The following DOP1B variants were observed in gnomAD, a reference collection of about 807,000 sequenced individuals.
The protein encoded by DOP1B is DOP1 leucine zipper like protein B.
In DOP1B, 174 loss-of-function variants were observed where a neutral mutation model predicts 233.5. The ratio of observed to expected loss-of-function variants is 0.75; its 90% CI spans 0.66 to 0.85. DOP1B has a LOEUF of 0.85. DOP1B is among the 40% of genes least tolerant of loss of function. The probability of loss-of-function intolerance (pLI) is 0.00; values close to 1 mark genes in which losing one functional copy is unlikely to be tolerated. For synonymous variants in DOP1B, 1,190 were observed against 1,185.6 expected (o/e 1.00, Z -0.08); for missense variants, 2,652 against 2,846.6 (o/e 0.93, Z 1.56).
In DOP1B at chr21:36,273,702, G is replaced by A. The variant is rs137892687; in HGVS notation, c.5633-3319G>A. ...CCAGCGACCTGAAGACCAGGACTCTGGAGCTTCATGAAAGTGGTGGGAAGA... is the reference window on the plus strand; with the variant it reads ...CCAGCGACCTGAAGACCAGGACTCTAGAGCTTCATGAAAGTGGTGGGAAGA... On this transcript the variant is annotated intron_variant, in intron 27 of 36. Transcript: ENST00000691173. 2.5e-3 allele frequency among the ~76,000 whole-genome samples: 373 copies of A among 152,222 alleles called. 2 individuals are homozygous for A. The highest frequency in any genetic ancestry group is 0.01 in the Middle Eastern group (3 of 294).
At chr21:36,293,185 G>T (rs1601490366) in intron 36 of DOP1B, 135 bp from the exon 37 acceptor site, 8 of 928,640 alleles carry the variant, frequency 8.6e-6, no homozygotes, top group Middle Eastern at 3.4e-4. Flanking sequence ...CAGCCTGGGC[G>T]ACAGAGCAAG....
At position 36,244,074 on chromosome 21, in the gene DOP1B, T is replaced by C. The variant is rs535553525; in HGVS notation, c.3068-974T>C. Among the ~76,000 whole-genome samples the C allele has an allele frequency of 1.8e-3, 258 of 143,598 alleles. 2 individuals carry two copies. The highest frequency in any genetic ancestry group is 1.6e-3 in the Non-Finnish European group (106 of 66,604). The allele number at this position is 143,598 out of a possible 152,430, so 94.2% of individuals were successfully genotyped here. A position where few individuals can be genotyped will look rare whatever the true frequency, so the allele number is the denominator to read the frequency against. ...CAGAGTCTCACTCTGTTGCCTAGTC[T>C]GGAGTGTAGTGGCATGATTTCAGCT... On this transcript the variant is annotated intron_variant, in intron 18 of 36. Coordinates refer to ENST00000691173, the MANE Select transcript of DOP1B (RefSeq NM_001320714.2).
At chr21:36,171,780 G>A (rs141144102) in intron 2 of DOP1B, among the ~76,000 whole-genome samples, 7 of 152,300 alleles carry the variant, frequency 4.6e-5, no homozygotes, top group East Asian at 1.9e-4. Context: ...GTGGCACTTC[G>A]TTATAGCAGC....
intron 26 of DOP1B, among the ~76,000 whole-genome samples, chr21:36,265,856 G>A (rs762981602): frequency 8.6e-5 from 13 of 151,796 alleles, no homozygotes; most frequent in Non-Finnish European, 1.5e-4. Context: ...CTGTGACCTC[G>A]TAACCAAAAT....
intron 2 of DOP1B, among the ~76,000 whole-genome samples, chr21:36,190,274 G>A (rs546727457): frequency 1.0e-3 from 156 of 151,884 alleles, no homozygotes; most frequent in African/African-American, 3.5e-3. Flanking sequence ...GCAGTGAGCC[G>A]AGATTGCACC....
intron 24 of DOP1B, among the ~76,000 whole-genome samples, chr21:36,262,299 A>G (rs571988757): frequency 1.9e-4 from 29 of 152,294 alleles, no homozygotes; most frequent in African/African-American, 6.3e-4. Context: ...GCTGCAGGTT[A>G]GATTTGGTCA....
rs2066461257 is a variant in DOP1B at position 36,208,924 on chromosome 21, C to T, written c.681+20C>T. On this transcript the variant is annotated intron_variant, in intron 5 of 36. Transcript: ENST00000691173. ...CTCACGGTGGGTGCTGTGTTCCTCACAGGGCATGGGGAGGAGGCGACATGT... is the reference window on the plus strand; with the variant it reads ...CTCACGGTGGGTGCTGTGTTCCTCATAGGGCATGGGGAGGAGGCGACATGT... 6.7e-7 allele frequency: 1 copy of T among 1,493,566 alleles called. No homozygotes were observed. The highest frequency in any genetic ancestry group is 8.9e-7 in the Non-Finnish European group (1 of 1,121,308). 92.5% of individuals were successfully genotyped at this position (1,493,566 alleles called of 1,614,324 possible). A position where few individuals can be genotyped will look rare whatever the true frequency, so the allele number is the denominator to read the frequency against.
chr21:36,274,156 A>G (rs557662297), intron 27 of DOP1B, among the ~76,000 whole-genome samples: 3 of 136,342 alleles, frequency 2.2e-5, no homozygotes, highest in African/African-American at 5.4e-5. Flanking sequence ...GAGCAGCCAC[A>G]TGTTAGTCAA....
At position 36,199,086 on chromosome 21, in the gene DOP1B, T is replaced by C; in HGVS notation, c.155T>C (p.Leu52Pro). The change falls in exon 3 of 37, where the codon CTG becomes CCG. Residue 52 changes from leucine (L) to proline (P), a missense_variant. Around this residue, in one of 3 missense-constraint regions of DOP1B, gnomAD observed 2,617 missense variants for 2,794.3 expected, o/e 0.94. Coordinates refer to ENST00000691173, the MANE Select transcript of DOP1B (RefSeq NM_001320714.2). ...GKLNKALQSN[L>P]RYSLLPRRLL... ...GTTTGACAGGCTCTTCAGAGTAACC[T>C]GAGGTACTCCTTGTTGCCAAGACGG... The C allele has an allele frequency of 6.2e-7, 1 of 1,613,224 alleles. No homozygotes were observed. The highest frequency in any genetic ancestry group is 8.5e-7 in the Non-Finnish European group (1 of 1,179,764).
At position 36,245,641 on chromosome 21, in the gene DOP1B, G is replaced by A. The variant is rs574422765; in HGVS notation, c.3661G>A (p.Val1221Ile). ...GCAGCAGCGGGAAAGGCAGGAGGCC[G>A]TCGAGGCCTTGTTCAAGCACATCCT... is the stretch of plus-strand genomic sequence containing the variant. ...LKQQRERQEA[V>I]EALFKHILLY... is the part of the protein sequence containing the mutation. The change falls in exon 19 of 37, where the codon GTC becomes ATC. Residue 1221 changes from valine to isoleucine, a missense_variant. By Grantham distance (29) the Val-to-Ile change is conservative (BLOSUM62 3). Transcript: ENST00000691173. This position sits in a 1 kb window ranked among gnomAD's most constrained non-coding sequence, Gnocchi z 5.5. The A allele has an allele frequency of 2.5e-5, 41 of 1,613,420 alleles. No individual in the cohort carries two copies. The highest frequency in any genetic ancestry group is 4.5e-5 in the East Asian group (2 of 44,858).
chr21:36,230,416 A>G (rs2066746304), intron 13 of DOP1B, 34 bp from the exon 14 acceptor site: 5 of 1,573,366 alleles, frequency 3.2e-6, no homozygotes, highest in Non-Finnish European at 4.3e-6. Flanking sequence ...TGGTGTTAAG[A>G]GATGCACAAT....
chr21:36,208,863 C>T lies in DOP1B; in HGVS notation c.640C>T (p.Arg214Trp), dbSNP rs201917816. ...CCACATCAACAGGGATGCCCCCGGC[C>T]GGGAGCAGAAGTACATGCTGGGGAC... The part of the protein sequence containing the change: ...VGHINRDAPG[R>W]EQKYMLGTNH... Residue 214 changes from arginine to tryptophan, a missense_variant, in exon 5 of 37, where the codon CGG (arginine) becomes TGG (tryptophan). Around this residue, in one of 3 missense-constraint regions of DOP1B, gnomAD observed 2,617 missense variants for 2,794.3 expected, o/e 0.94. Transcript: ENST00000691173. 1.1e-5 allele frequency: 17 copies of T among 1,567,330 alleles called. No homozygotes were observed. Among genetic ancestry groups the T allele is most frequent in the Middle Eastern group, 1.9e-4 (1 of 5,320 alleles).
At chr21:36,157,138 T>TGCGGGGGCGGAGAGC (rs1295033727) in intron 1 of DOP1B, among the ~76,000 whole-genome samples, 195 bp downstream of exon 1, 4 of 151,864 alleles carry the variant, frequency 2.6e-5, no homozygotes, top group Admixed American at 1.3e-4. Flanking sequence ...TCTGCTGCAG[T>TGCGGGGGCGGAGAGC]GCGGGGGCGG....
Position 36,214,433 on chromosome 21 carries a change from A to T in DOP1B, c.1015-9A>T. The T allele has an allele frequency of 6.2e-7, 1 of 1,603,176 alleles. No individual in the cohort carries two copies. Among genetic ancestry groups the T allele is most frequent in the Non-Finnish European group, 8.5e-7 (1 of 1,176,968 alleles). ...GATATTCTAATATGTGGCTTTTTTT[A>T]AATAATAGGGTTTGGCTGAGATATT... On this transcript the variant is annotated splice_polypyrimidine_tract_variant and intron_variant, in intron 8 of 36. Coordinates refer to ENST00000691173, the MANE Select transcript of DOP1B (RefSeq NM_001320714.2).
intron 2 of DOP1B, among the ~76,000 whole-genome samples, chr21:36,173,934 CT>C (rs1443533016): frequency 6.6e-6 from 1 of 150,578 alleles, no homozygotes; most frequent in Non-Finnish European, 1.5e-5. Flanking sequence ...TTTTTCGCTG[CT>C]TTTATCTGAT....
chr21:36,220,065 C>T (rs2066608153), intron 10 of DOP1B, among the ~76,000 whole-genome samples: 1 of 152,082 alleles, frequency 6.6e-6, no homozygotes, highest in Non-Finnish European at 1.5e-5. Flanking sequence ...TACACACAAA[C>T]CCTGTTTTGT....
At chr21:36,263,499 T>C (rs12626686) in intron 24 of DOP1B, 47 bp from the exon 25 acceptor site, 172,554 of 1,513,784 alleles carry the variant, frequency 0.11, 13,324 homozygotes, top group African/African-American at 0.3. Flanking sequence ...TAAATGTATT[T>C]TGACTTGTTC....
chr21:36,181,020 A>G (rs7283724), intron 2 of DOP1B, among the ~76,000 whole-genome samples: 35,614 of 152,168 alleles, frequency 0.23, 4,482 homozygotes, highest in African/African-American at 0.34. Context: ...TCAGGTAGAC[A>G]GGTATACCGT....
intron 2 of DOP1B, chr21:36,169,439 A>G (rs2065949812): frequency 9.6e-7 from 1 of 1,041,878 alleles, no homozygotes; most frequent in Non-Finnish European, 1.5e-6. Context: ...CACCTTGCAC[A>G]GGCCTCGGTG....
Sources: gnomAD v4.1 joint callset for allele counts (sites outside exome capture counted in the v4.1 genomes callset) on GRCh38, gnomAD v4.1.1 for gene constraint, gnomAD v4.1.1 regional missense constraint, Gnocchi (gnomAD v3.1) non-coding constraint, MANE v1.5 for transcripts, NCBI Gene and HGNC (gene_info 2026-07-23, HGNC 2026-07-21) for gene names.